The following ARHGAP8 variants were observed in gnomAD, a reference collection of about 807,000 sequenced individuals.
ARHGAP8 encodes rho GTPase-activating protein 8.
ARHGAP8 carries 62 observed loss-of-function variants against 46.1 expected under a neutral mutation model. That is an observed-to-expected ratio of 1.34 (90% CI 1.10 to 1.66). ARHGAP8 has a LOEUF of 1.66. Ranked by LOEUF, ARHGAP8 falls within the 40% of genes most tolerant of loss-of-function variation. The pLI is 0.00. For synonymous variants in ARHGAP8, 375 were observed against 243.1 expected (o/e 1.54, Z -5.05); for missense variants, 923 against 568.4 (o/e 1.62, Z -6.34).
intron 2 of ARHGAP8, among the ~76,000 whole-genome samples, chr22:44,799,702 G>A (rs2147074800): frequency 6.6e-6 from 1 of 152,162 alleles, no homozygotes; most frequent in Middle Eastern, 3.4e-3. Context: ...TCTTACCTGT[G>A]TCCTTGTGTG....
At chr22:44,784,513 G>T (rs570353710) in intron 1 of ARHGAP8, among the ~76,000 whole-genome samples, 36 of 152,350 alleles carry the variant, frequency 2.4e-4, no homozygotes, top group African/African-American at 8.7e-4. Flanking sequence ...GGGAGAATGT[G>T]TGTAGGTTCC....
chr22:44,779,565 T>TG (rs1491142215), intron 1 of ARHGAP8, among the ~76,000 whole-genome samples: 1 of 3,058 alleles, frequency 3.3e-4, no homozygotes, highest in African/African-American at 1.5e-3. Context: ...AGTTTGAGGA[T>TG]TTTTTTTTTT....
At chr22:44,853,299 C>T (rs2070142120) in intron 10 of ARHGAP8, among the ~76,000 whole-genome samples, 1 of 152,186 alleles carries the variant, frequency 6.6e-6, no homozygotes, top group South Asian at 2.1e-4. Flanking sequence ...GGCACAAGGA[C>T]TATCCGTACA....
intron 1 of ARHGAP8, among the ~76,000 whole-genome samples, chr22:44,780,018 G>A (rs1323869585): frequency 6.6e-6 from 1 of 152,198 alleles, no homozygotes; most frequent in Non-Finnish European, 1.5e-5. Context: ...ACCCCAAGAG[G>A]TGGCAGCAGG....
intron 1 of ARHGAP8, among the ~76,000 whole-genome samples, chr22:44,766,781 G>A (rs111295055): frequency 0.015 from 2,294 of 152,206 alleles, 19 homozygotes; most frequent in South Asian, 0.026. Context: ...GAGTAGTGGG[G>A]CAGGGTTCTT....
intron 10 of ARHGAP8, among the ~76,000 whole-genome samples, chr22:44,858,907 G>A (rs1439797038): frequency 6.6e-6 from 1 of 151,536 alleles, no homozygotes; most frequent in Non-Finnish European, 1.5e-5. Context: ...AAATATGTTA[G>A]GCTTTGTGGG....
intron 1 of ARHGAP8, among the ~76,000 whole-genome samples, chr22:44,752,942 C>A (rs1027895650): frequency 1.3e-5 from 2 of 151,978 alleles, no homozygotes; most frequent in African/African-American, 2.4e-5. Flanking sequence ...GCCCTCGCCT[C>A]TCTCAGCCTG....
intron 10 of ARHGAP8, among the ~76,000 whole-genome samples, chr22:44,858,551 T>TTTTC (rs397964298): frequency 5.9e-5 from 7 of 118,000 alleles, no homozygotes; most frequent in African/African-American, 2.5e-4. Flanking sequence ...TTTTTTTTTT[T>TTTTC]AAGTAACAGG....
chr22:44,761,154 T>C (rs1470827574), intron 1 of ARHGAP8, among the ~76,000 whole-genome samples: 2 of 152,352 alleles, frequency 1.3e-5, no homozygotes, highest in Admixed American at 6.5e-5. Context: ...CGTGAAACTT[T>C]GATCTGCTAA....
chr22:44,835,629 A>G (rs1044784962), intron 7 of ARHGAP8, among the ~76,000 whole-genome samples: 4 of 152,142 alleles, frequency 2.6e-5, no homozygotes, highest in Non-Finnish European at 5.9e-5. Context: ...CAAGAAAAAG[A>G]AGGATTGGGG....
intron 1 of ARHGAP8, among the ~76,000 whole-genome samples, chr22:44,758,290 C>T (rs368151726): frequency 2.0e-5 from 3 of 152,072 alleles, no homozygotes; most frequent in African/African-American, 7.2e-5. Flanking sequence ...CTTGTGGTGG[C>T]GTGCACCTGT....
intron 1 of ARHGAP8, among the ~76,000 whole-genome samples, chr22:44,773,016 A>G (rs1241093307): frequency 6.6e-6 from 1 of 151,938 alleles, no homozygotes; most frequent in African/African-American, 2.4e-5. Context: ...GAGGTCTCAT[A>G]TGTTGCCCAG....
chr22:44,764,843 A>G (rs1203666219), intron 1 of ARHGAP8, among the ~76,000 whole-genome samples: 1 of 152,198 alleles, frequency 6.6e-6, no homozygotes, highest in Non-Finnish European at 1.5e-5. Flanking sequence ...GGGAGCTGAG[A>G]GTGCTGTCAA....
intron 2 of ARHGAP8, among the ~76,000 whole-genome samples, chr22:44,794,717 T>TAAC (rs953613221): frequency 3.7e-5 from 5 of 136,204 alleles, no homozygotes; most frequent in Non-Finnish European, 7.9e-5. Context: ...CTCAGAAAAA[T>TAAC]AATAATAATA....
rs182852635 is a variant in ARHGAP8 at position 44,861,133 on chromosome 22, G to A, written c.982-1142G>A. 8.7e-4 allele frequency among the ~76,000 whole-genome samples: 133 copies of A among 152,176 alleles called. 1 individual carries two copies. Among genetic ancestry groups the A allele is most frequent in the Non-Finnish European group, 4.1e-4 (28 of 68,012 alleles). On this transcript the variant is annotated intron_variant, in intron 11 of 11. Coordinates refer to ENST00000356099, the MANE Select transcript of ARHGAP8 (RefSeq NM_181335.3). Reference sequence around the variant, plus strand: ...ATTACAGGTGAGAACCACCATGCCCGGCTAATTTTTGTTTTTTTAGTAGAG... The same window carrying A: ...ATTACAGGTGAGAACCACCATGCCCAGCTAATTTTTGTTTTTTTAGTAGAG...
intron 4 of ARHGAP8, among the ~76,000 whole-genome samples, chr22:44,812,202 GAGCT>G (rs1929382957): frequency 6.6e-6 from 1 of 152,022 alleles, no homozygotes; most frequent in South Asian, 2.1e-4. Context: ...CCTCACCAAA[GAGCT>G]CCTGCCATGG....
chr22:44,814,389 AC>A (rs1266248918), intron 4 of ARHGAP8, among the ~76,000 whole-genome samples: 1 of 151,840 alleles, frequency 6.6e-6, no homozygotes, highest in East Asian at 1.9e-4. Context: ...TGCTCCAGCC[AC>A]CCCCGACCCT....
chr22:44,844,187 G>A (rs2147157154), intron 7 of ARHGAP8, among the ~76,000 whole-genome samples: 1 of 152,052 alleles, frequency 6.6e-6, no homozygotes, highest in South Asian at 2.1e-4. Context: ...GGCCAGGCTA[G>A]GCTTGAACTC....
chr22:44,856,586 G>A (rs1373113900), intron 10 of ARHGAP8, among the ~76,000 whole-genome samples: 2 of 110,300 alleles, frequency 1.8e-5, no homozygotes, highest in Admixed American at 7.9e-5. Context: ...TAAATTCTTG[G>A]GGCTACATCC....
Sources: gnomAD v4.1 joint callset for allele counts (sites outside exome capture counted in the v4.1 genomes callset) on GRCh38, gnomAD v4.1.1 for gene constraint, MANE v1.5 for transcripts, NCBI Gene and HGNC (gene_info 2026-07-23, HGNC 2026-07-21) for gene names.